The following WDR27 variants were observed in gnomAD, a reference collection of about 807,000 sequenced individuals.
WDR27 encodes WD repeat domain 27, also known as WD repeat-containing protein 27.
Under a neutral mutation model 114.4 loss-of-function variants are expected in WDR27, and 100 were observed. The ratio of observed to expected loss-of-function variants is 0.87; its 90% CI spans 0.74 to 1.03. The LOEUF (loss-of-function observed/expected upper bound fraction) is 1.03. Among genes scored for constraint, WDR27 ranks in the 50% least tolerant of loss-of-function variants. The pLI, the probability that WDR27 is intolerant of heterozygous loss-of-function variation, is 0.00. For synonymous variants in WDR27, 449 were observed against 423.1 expected (o/e 1.06, Z -0.75); for missense variants, 1,129 against 1,092.9 (o/e 1.03, Z -0.47).
In WDR27 at chr6:169,536,739, G is replaced by C. The variant is rs1356876002; in HGVS notation, c.2645+35680C>G. On this transcript the variant is annotated intron_variant, in intron 25 of 25. Transcript: ENST00000448612. ...AACCAGAAATCTCACCTAGGACCCA[G>C]CTTTTCCAATCATTAGAGGGATACA... Among the ~76,000 whole-genome samples, 10 of 152,100 alleles carry C rather than the reference G, an allele frequency of 6.6e-5. No homozygotes were observed. The South Asian group carries it at 1.2e-3, about 19-fold the overall frequency.
At chr6:169,492,493 C>A (rs976264645) in intron 25 of WDR27, among the ~76,000 whole-genome samples, 1 of 151,926 alleles carries the variant, frequency 6.6e-6, no homozygotes, top group Non-Finnish European at 1.5e-5. Flanking sequence ...ATTAGACACC[C>A]GAAGGCAGGA....
intron 25 of WDR27, among the ~76,000 whole-genome samples, chr6:169,460,477 C>G (rs1312994160): frequency 2.0e-5 from 3 of 151,802 alleles, no homozygotes; most frequent in Non-Finnish European, 4.4e-5. Context: ...AAGCATTTAC[C>G]TAAAAAATTT....
At chr6:169,480,487 C>T (rs777068905) in intron 25 of WDR27, among the ~76,000 whole-genome samples, 18 of 152,208 alleles carry the variant, frequency 1.2e-4, no homozygotes, top group Admixed American at 7.2e-4. Flanking sequence ...ATCCACTAGG[C>T]GAAGCCAGCT....
chr6:169,592,280 A>T (rs1805904174), intron 23 of WDR27, among the ~76,000 whole-genome samples: 1 of 152,138 alleles, frequency 6.6e-6, no homozygotes. Context: ...TTAAATCTAC[A>T]CATTACCTAC....
Position 169,509,069 on chromosome 6 carries a change from T to C in WDR27, c.2646-51435A>G, listed in dbSNP as rs535322781. Among the ~76,000 whole-genome samples the C allele has an allele frequency of 6.6e-5, 10 of 152,210 alleles. No homozygotes were observed. In the South Asian group the frequency reaches 8.3e-4, roughly 13 times the overall value. On this transcript the variant is annotated intron_variant, in intron 25 of 25. Coordinates refer to ENST00000448612, the MANE Select transcript of WDR27 (RefSeq NM_182552.5). ...ATAAAATACCTAGGAATCCAACTTA[T>C]AAGGGATGTGAAGGACTTCTTCAAG...
chr6:169,501,906 C>T (rs1366853741), intron 25 of WDR27, among the ~76,000 whole-genome samples: 1 of 152,198 alleles, frequency 6.6e-6, no homozygotes, highest in Non-Finnish European at 1.5e-5. Flanking sequence ...GGTCTGAATC[C>T]AGCTATTCCA....
chr6:169,642,307 C>CCT (rs1457233267), intron 17 of WDR27, among the ~76,000 whole-genome samples: 1 of 151,832 alleles, frequency 6.6e-6, no homozygotes, highest in East Asian at 1.9e-4. Context: ...GCCCTTCCCC[C>CCT]CCGCCCACAG....
chr6:169,700,649 G>A (rs1787687727), intron 1 of WDR27, among the ~76,000 whole-genome samples: 1 of 152,214 alleles, frequency 6.6e-6, no homozygotes, highest in Non-Finnish European at 1.5e-5. Context: ...GGAATCGTCT[G>A]ACTAGAAACC....
At chr6:169,662,193 C>T (rs1826331970) in intron 9 of WDR27, 111 bp downstream of exon 9, 2 of 1,251,860 alleles carry the variant, frequency 1.6e-6, no homozygotes, top group South Asian at 2.9e-5. Context: ...TAATCAGAGA[C>T]CAAAATAATT....
chr6:169,650,253 C>T (rs1562814018), intron 14 of WDR27, among the ~76,000 whole-genome samples: 2 of 146,192 alleles, frequency 1.4e-5, no homozygotes, highest in Non-Finnish European at 3.0e-5. Flanking sequence ...TCTCTGCATC[C>T]CCCCATCCCC....
rs369739043 is a variant in WDR27, at chr6:169,576,793, A to G, written c.2524-4253T>C. On this transcript the variant is annotated intron_variant, in intron 24 of 25. Transcript: ENST00000448612. Reference sequence around the variant, plus strand: ...AAAAAAAAAAAGACAAGAAAAGAAAAAAAAGGAAAAGGAAAAGGAAAGAAA... The same window carrying G: ...AAAAAAAAAAAGACAAGAAAAGAAAGAAAAGGAAAAGGAAAAGGAAAGAAA... 2.0e-4 allele frequency among the ~76,000 whole-genome samples: 30 copies of G among 152,132 alleles called. No individual in the cohort carries two copies. The East Asian group carries it at 2.7e-3, about 14-fold the overall frequency.
rs1826433696 is a variant in WDR27 at position 169,662,426 on chromosome 6, T to G, written c.905-2A>C. 9 of 1,613,898 alleles carry G rather than the reference T, an allele frequency of 5.6e-6. No homozygotes were observed. Among genetic ancestry groups the G allele is most frequent in the Middle Eastern group, 3.3e-4 (2 of 6,062 alleles). ...TTGTAGAGGGAAGCTGGCTTTCTTC[T>G]AGGGACAGAATTATTGAGAATCTAA... is the stretch of plus-strand genomic sequence containing the variant. On this transcript the variant is annotated splice_acceptor_variant, in intron 8 of 25. Transcript: ENST00000448612. LOFTEE classifies it high-confidence loss of function.
intron 25 of WDR27, among the ~76,000 whole-genome samples, chr6:169,540,817 A>G (rs1408390785): frequency 6.6e-6 from 1 of 152,060 alleles, no homozygotes; most frequent in African/African-American, 2.4e-5. Flanking sequence ...TAACCCTGAG[A>G]CATAGCTGAG....
intron 25 of WDR27, among the ~76,000 whole-genome samples, chr6:169,494,756 A>G (rs1790187067): frequency 6.6e-6 from 1 of 152,124 alleles, no homozygotes; most frequent in South Asian, 2.1e-4. Flanking sequence ...AGATTGGAAA[A>G]CTGGCATTAA....
In WDR27 at chr6:169,650,764, T is replaced by G. The variant is rs1365895132; in HGVS notation, c.1481+1166A>C. Among the ~76,000 whole-genome samples, 3 of 143,334 alleles carry G rather than the reference T, an allele frequency of 2.1e-5. No individual in the cohort carries two copies. In the South Asian group the frequency reaches 6.8e-4, roughly 32 times the overall value. The allele number at this position is 143,334 out of a possible 152,430, so 94.0% of individuals were successfully genotyped here. A position where few individuals can be genotyped will look rare whatever the true frequency, so the allele number is the denominator to read the frequency against. Reference sequence around the variant, plus strand: ...TCCATCCCTCCATCCCCACCATCTATCCACTTATTCATCTCTCATCTCTCC... The same window carrying G: ...TCCATCCCTCCATCCCCACCATCTAGCCACTTATTCATCTCTCATCTCTCC... On this transcript the variant is annotated intron_variant, in intron 14 of 25. Coordinates refer to ENST00000448612, the MANE Select transcript of WDR27 (RefSeq NM_182552.5).
chr6:169,513,360 A>G (rs1191158887), intron 25 of WDR27, among the ~76,000 whole-genome samples: 1 of 152,166 alleles, frequency 6.6e-6, no homozygotes, highest in Non-Finnish European at 1.5e-5. Flanking sequence ...ACAATTGGTC[A>G]GAGTGGTCCC....
intron 25 of WDR27, among the ~76,000 whole-genome samples, chr6:169,557,231 C>T (rs1799030154): frequency 6.6e-6 from 1 of 152,198 alleles, no homozygotes; most frequent in African/African-American, 2.4e-5. Flanking sequence ...AACCAGAATG[C>T]GTGCAACATT....
intron 24 of WDR27, among the ~76,000 whole-genome samples, chr6:169,574,296 C>T (rs1042705418): frequency 1.2e-4 from 19 of 152,330 alleles, no homozygotes; most frequent in African/African-American, 3.6e-4. Flanking sequence ...TTCCCAAAGA[C>T]TCACAAGTCT....
At chr6:169,621,255 CAT>C (rs1321870420) in intron 21 of WDR27, among the ~76,000 whole-genome samples, 1 of 152,038 alleles carries the variant, frequency 6.6e-6, no homozygotes, top group African/African-American at 2.4e-5. Context: ...CATACCCACA[CAT>C]ACATTCATGC....
Sources: gnomAD v4.1 joint callset for allele counts (sites outside exome capture counted in the v4.1 genomes callset) on GRCh38, gnomAD v4.1.1 for gene constraint, MANE v1.5 for transcripts, NCBI Gene and HGNC (gene_info 2026-07-23, HGNC 2026-07-21) for gene names.